Variants in TCEANC2 observed in about 807,000 individuals in gnomAD.
The protein encoded by TCEANC2 is transcription elongation factor A N-terminal and central domain containing 2.
TCEANC2 carries 20 observed loss-of-function variants against 22.8 expected under a neutral mutation model. That is an observed-to-expected ratio of 0.88 (90% CI 0.62 to 1.28). The LOEUF (loss-of-function observed/expected upper bound fraction) is 1.28, where lower values mean the gene tolerates loss of function less well. Ranked by LOEUF, TCEANC2 falls within the 50% of genes most tolerant of loss-of-function variation. The probability of loss-of-function intolerance (pLI) is 0.00; values close to 1 mark genes in which losing one functional copy is unlikely to be tolerated. For missense variants in TCEANC2, 251 were observed against 249.7 expected, an observed-to-expected ratio of 1.01 and a Z score of -0.03; for synonymous variants, 84 against 95.5, an observed-to-expected ratio of 0.88 and a Z score of 0.70.
chr1:54,106,816 G>A (rs983408198), downstream of TCEANC2, among the ~76,000 whole-genome samples: 2 of 152,124 alleles, frequency 1.3e-5, no homozygotes, highest in African/African-American at 2.4e-5. Context: ...CGTTTTGGAT[G>A]GGGTGAGGGG....
intron 2 of TCEANC2, among the ~76,000 whole-genome samples, chr1:54,056,451 G>A (rs1013782118): frequency 8.6e-5 from 13 of 151,724 alleles, no homozygotes; most frequent in Admixed American, 2.0e-4. Context: ...TCAGCCTCCC[G>A]AGTGGTGGGG....
rs1386222163 is a variant in TCEANC2, at chr1:54,095,727, G to A, written c.439-558G>A. Among the ~76,000 whole-genome samples the A allele has an allele frequency of 2.6e-5, 4 of 152,170 alleles. 1 individual carries two copies. The highest frequency in any genetic ancestry group is 6.5e-5 in the Admixed American group (1 of 15,288). On this transcript the variant is annotated intron_variant, in intron 4 of 4. Transcript: ENST00000234827. ...GAAACATGAACTTTGGAGTCGAGGGGTCCAGGTCACAGTCCCAGCTCTGTC... is the reference window on the plus strand; with the variant it reads ...GAAACATGAACTTTGGAGTCGAGGGATCCAGGTCACAGTCCCAGCTCTGTC...
chr1:54,111,187 C>T (rs754905774), exon 5 of TCEANC2: 3 of 152,314 alleles, frequency 2.0e-5, no homozygotes, highest in Non-Finnish European at 4.4e-5. Flanking sequence ...TGCCTCCAGG[C>T]TGGCCTCTGA....
chr1:54,074,495 A>T (rs1658112263), intron 3 of TCEANC2, among the ~76,000 whole-genome samples: 1 of 152,200 alleles, frequency 6.6e-6, no homozygotes, highest in Non-Finnish European at 1.5e-5. Flanking sequence ...AAGCTTGCCT[A>T]GGATGAGTTT....
intron 3 of TCEANC2, among the ~76,000 whole-genome samples, chr1:54,078,372 G>A (rs1174249956): frequency 2.0e-5 from 3 of 152,126 alleles, no homozygotes; most frequent in Non-Finnish European, 4.4e-5. Context: ...TGAGAACCCA[G>A]GTCTCCTGGA....
chr1:54,056,398 T>G (rs2100351067), intron 2 of TCEANC2, among the ~76,000 whole-genome samples: 1 of 152,020 alleles, frequency 6.6e-6, no homozygotes, highest in Non-Finnish European at 1.5e-5. Context: ...AACCTCTGCC[T>G]CCCTGCAACC....
At position 54,096,085 on chromosome 1, in the gene TCEANC2, C is replaced by G. The variant is rs1221156253; in HGVS notation, c.439-200C>G. ...CCGGCAGGGGTTGTGAATGAGGTCC[C>G]TGTCACAAAGCACATGGCCTTGTTC... On this transcript the variant is annotated intron_variant, in intron 4 of 4. Coordinates refer to ENST00000234827, the MANE Select transcript of TCEANC2 (RefSeq NM_153035.3). The surrounding 1 kb of genome is among the most constrained non-coding windows in gnomAD (Gnocchi z 4.9). Among the ~76,000 whole-genome samples, 1 of 152,198 alleles carries G rather than the reference C, an allele frequency of 6.6e-6. No individual in the cohort carries two copies. The highest frequency in any genetic ancestry group is 2.4e-5 in the African/African-American group (1 of 41,456).
intron 4 of TCEANC2, among the ~76,000 whole-genome samples, chr1:54,094,730 G>A (rs760803701): frequency 1.3e-4 from 20 of 152,352 alleles, no homozygotes; most frequent in Non-Finnish European, 2.4e-4. Context: ...CTGAATAAAT[G>A]TTTGAATGAG....
intron 2 of TCEANC2, among the ~76,000 whole-genome samples, chr1:54,064,078 C>T (rs1657905442): frequency 6.6e-6 from 1 of 152,136 alleles, no homozygotes; most frequent in Non-Finnish European, 1.5e-5. Context: ...TTCTAGAATG[C>T]AGAGGACTTT....
At chr1:54,083,977 C>T (rs572053879) in intron 3 of TCEANC2, among the ~76,000 whole-genome samples, 4 of 151,626 alleles carry the variant, frequency 2.6e-5, no homozygotes, top group African/African-American at 7.3e-5. Context: ...ATCATTTTTC[C>T]GGTTACTACA....
intron 4 of TCEANC2, among the ~76,000 whole-genome samples, chr1:54,095,806 G>A (rs547142390): frequency 6.6e-6 from 1 of 152,132 alleles, no homozygotes; most frequent in Admixed American, 6.5e-5. Context: ...TTCCTTATCT[G>A]TAAAATGTGA....
intron 3 of TCEANC2, among the ~76,000 whole-genome samples, chr1:54,083,110 A>C (rs1658276274): frequency 6.6e-6 from 1 of 152,198 alleles, no homozygotes; most frequent in Non-Finnish European, 1.5e-5. Context: ...AGTGGATCCT[A>C]AAATGGTGGG....
At chr1:54,063,138 G>T (rs1188303223) in intron 2 of TCEANC2, among the ~76,000 whole-genome samples, 4 of 152,162 alleles carry the variant, frequency 2.6e-5, no homozygotes, top group Admixed American at 6.5e-5. Flanking sequence ...GGATTTTAAG[G>T]CCAGTATGGA....
intron 3 of TCEANC2, among the ~76,000 whole-genome samples, chr1:54,072,646 C>T (rs1557689086): frequency 6.6e-6 from 1 of 152,182 alleles, no homozygotes; most frequent in East Asian, 1.9e-4. Flanking sequence ...CTGCCTGCCT[C>T]AGACTCCCAA....
At chr1:54,061,971 G>T (rs1028117314) in intron 2 of TCEANC2, among the ~76,000 whole-genome samples, 3 of 152,196 alleles carry the variant, frequency 2.0e-5, no homozygotes, top group African/African-American at 7.2e-5. Flanking sequence ...TTAAGAGGAA[G>T]TGATTTCTTC....
chr1:54,088,174 A>G (rs1042312693), intron 3 of TCEANC2, among the ~76,000 whole-genome samples: 1 of 152,202 alleles, frequency 6.6e-6, no homozygotes, highest in Non-Finnish European at 1.5e-5. Flanking sequence ...CTACAAAAAA[A>G]TGTTCTCATT....
At chr1:54,109,275 A>C (rs1393834568), downstream of TCEANC2, among the ~76,000 whole-genome samples, 1 of 152,180 alleles carries the variant, frequency 6.6e-6, no homozygotes, top group Admixed American at 6.5e-5. Flanking sequence ...TTCCAGGTAC[A>C]AGGAAAGGTA....
chr1:54,059,449 G>T (rs1226562204), intron 2 of TCEANC2, among the ~76,000 whole-genome samples: 1 of 152,236 alleles, frequency 6.6e-6, no homozygotes, highest in Non-Finnish European at 1.5e-5. Context: ...ACCACACTCT[G>T]TCAGGATCTT....
At chr1:54,074,603 A>G (rs1358962226) in intron 3 of TCEANC2, among the ~76,000 whole-genome samples, 2 of 152,250 alleles carry the variant, frequency 1.3e-5, no homozygotes, top group Non-Finnish European at 2.9e-5. Flanking sequence ...CCAGAGAAGC[A>G]GAAAGAAAAC....
Sources: allele counts gnomAD v4.1 joint callset (sites outside exome capture counted in the v4.1 genomes callset), GRCh38; gene constraint gnomAD v4.1.1; non-coding constraint Gnocchi (gnomAD v3.1); transcripts MANE v1.5; gene names NCBI Gene and HGNC (gene_info 2026-07-23, HGNC 2026-07-21).